NLGN1: variants seen among roughly 807,000 people sequenced by gnomAD.
NLGN1 encodes neuroligin 1.
In NLGN1, 12 loss-of-function variants were observed where a neutral mutation model predicts 65.5. The ratio of observed to expected loss-of-function variants is 0.18; its 90% CI spans 0.12 to 0.30. NLGN1 has a LOEUF of 0.30. Among genes scored for constraint, NLGN1 ranks in the 10% least tolerant of loss-of-function variants. The probability of loss-of-function intolerance (pLI) is 1.00; values close to 1 mark genes in which losing one functional copy is unlikely to be tolerated. For missense variants in NLGN1, 750 were observed against 1,007.1 expected (o/e 0.74, Z 3.46); for synonymous variants, 350 against 359.5 (o/e 0.97, Z 0.30).
At chr3:174,003,305 GAATTT>G (rs1723676918) in intron 4 of NLGN1, among the ~76,000 whole-genome samples, 1 of 152,024 alleles carries the variant, frequency 6.6e-6, no homozygotes, top group Non-Finnish European at 1.5e-5. Context: ...GGCATTATTT[GAATTT>G]AATTGATAGC....
chr3:173,629,606 A>G (rs569233402), intron 3 of NLGN1, among the ~76,000 whole-genome samples: 43 of 152,288 alleles, frequency 2.8e-4, no homozygotes, highest in African/African-American at 8.9e-4. Context: ...GTCATAAAAT[A>G]TCCAGTGAAA....
intron 1 of NLGN1, among the ~76,000 whole-genome samples, chr3:173,431,423 C>A (rs1179544476): frequency 1.3e-5 from 2 of 152,026 alleles, no homozygotes; most frequent in Admixed American, 1.3e-4. Flanking sequence ...ATATAATATA[C>A]AAAATCTTTC....
At chr3:173,823,159 C>T (rs1720658687) in intron 4 of NLGN1, among the ~76,000 whole-genome samples, 1 of 151,892 alleles carries the variant, frequency 6.6e-6, no homozygotes, top group African/African-American at 2.4e-5. Flanking sequence ...AAAAATTGGT[C>T]TATTAGTCTA....
intron 4 of NLGN1, among the ~76,000 whole-genome samples, chr3:173,813,092 G>A (rs1218487934): frequency 1.3e-5 from 2 of 151,898 alleles, no homozygotes; most frequent in Admixed American, 1.3e-4. Context: ...TGATGGATTA[G>A]TAAGGATATA....
chr3:174,253,739 C>A (rs1342163363), intron 4 of NLGN1, among the ~76,000 whole-genome samples: 1 of 152,096 alleles, frequency 6.6e-6, no homozygotes, highest in Non-Finnish European at 1.5e-5. Flanking sequence ...TCTAAATTGA[C>A]CTTCTACTTG....
At chr3:173,702,837 C>T (rs1487793066) in intron 3 of NLGN1, among the ~76,000 whole-genome samples, 1 of 152,156 alleles carries the variant, frequency 6.6e-6, no homozygotes, top group Non-Finnish European at 1.5e-5. Flanking sequence ...TGTTTTTACT[C>T]ATCTTTCTAT....
At chr3:174,076,677 CAT>C (rs1165355289) in intron 4 of NLGN1, among the ~76,000 whole-genome samples, 12 of 92,206 alleles carry the variant, frequency 1.3e-4, no homozygotes, top group Admixed American at 6.2e-4. Flanking sequence ...CCTCTGGGAC[CAT>C]AGAGAGAGAG....
chr3:173,556,920 T>C (rs1378927284), intron 2 of NLGN1, among the ~76,000 whole-genome samples: 1 of 152,204 alleles, frequency 6.6e-6, no homozygotes, highest in Non-Finnish European at 1.5e-5. Flanking sequence ...CAGATTATGG[T>C]ATATCTTGAT....
At chr3:173,804,516 A>G (rs938587313) in intron 3 of NLGN1, among the ~76,000 whole-genome samples, 2 of 152,096 alleles carry the variant, frequency 1.3e-5, no homozygotes, top group Non-Finnish European at 2.9e-5. Flanking sequence ...CCCCTTCAAC[A>G]TTATTATTAA....
rs778161180 is a variant in NLGN1 at position 174,077,744 on chromosome 3, C to T, written c.647-197571C>T. Among the ~76,000 whole-genome samples, 14 of 152,042 alleles carry T rather than the reference C, an allele frequency of 9.2e-5. No homozygotes were observed. The South Asian group carries it at 1.2e-3, about 14-fold the overall frequency. On this transcript the variant is annotated intron_variant, in intron 4 of 6. Transcript: ENST00000457714. ...CCAATTTTTGTATTTTTAGTAGAGACGGGGTTTCACCATGTTGGTCAGGCT... is the reference window on the plus strand; with the variant it reads ...CCAATTTTTGTATTTTTAGTAGAGATGGGGTTTCACCATGTTGGTCAGGCT...
At chr3:173,892,787 G>A (rs892563739) in intron 4 of NLGN1, among the ~76,000 whole-genome samples, 3 of 152,106 alleles carry the variant, frequency 2.0e-5, no homozygotes, top group Non-Finnish European at 4.4e-5. Context: ...GCAGGTAGAC[G>A]AGAAGAGGAA....
intron 3 of NLGN1, among the ~76,000 whole-genome samples, chr3:173,659,073 G>A (rs1760516112): frequency 6.6e-6 from 1 of 151,930 alleles, no homozygotes; most frequent in Non-Finnish European, 1.5e-5. Flanking sequence ...TCATTAGGCA[G>A]GTGAGTCCCC....
intron 4 of NLGN1, among the ~76,000 whole-genome samples, chr3:173,905,337 C>A (rs1738170845): frequency 6.6e-6 from 1 of 152,136 alleles, no homozygotes; most frequent in African/African-American, 2.4e-5. Flanking sequence ...GTGAGGAGAG[C>A]CAAAGGGTCC....
At chr3:173,997,428 C>T (rs990858125) in intron 4 of NLGN1, among the ~76,000 whole-genome samples, 2 of 152,114 alleles carry the variant, frequency 1.3e-5, no homozygotes, top group African/African-American at 4.8e-5. Flanking sequence ...CTGGATGGAA[C>T]ATCCAGAATC....
At chr3:173,675,183 A>G (rs1315437917) in intron 3 of NLGN1, among the ~76,000 whole-genome samples, 1 of 152,174 alleles carries the variant, frequency 6.6e-6, no homozygotes, top group East Asian at 1.9e-4. Context: ...ATCTTTGTTG[A>G]TTGAATATTT....
chr3:173,842,194 G>A (rs1392166375), intron 4 of NLGN1, among the ~76,000 whole-genome samples: 4 of 152,146 alleles, frequency 2.6e-5, no homozygotes. Context: ...CACAAGAACA[G>A]TGCAGAAAAG....
intron 3 of NLGN1, among the ~76,000 whole-genome samples, chr3:173,739,662 G>GA (rs955744441): frequency 8.6e-5 from 13 of 151,390 alleles, no homozygotes; most frequent in Non-Finnish European, 1.6e-4. Flanking sequence ...AAGGGCAGAG[G>GA]AAAAAAAATG....
intron 4 of NLGN1, among the ~76,000 whole-genome samples, chr3:174,130,949 A>T (rs1419286874): frequency 1.3e-5 from 2 of 152,186 alleles, no homozygotes; most frequent in African/African-American, 2.4e-5. Context: ...AATAAAAAAA[A>T]TTGTCACAGG....
intron 2 of NLGN1, among the ~76,000 whole-genome samples, chr3:173,540,426 A>G (rs139020413): frequency 2.0e-3 from 300 of 152,246 alleles, no homozygotes; most frequent in African/African-American, 7.1e-3. Context: ...CCAAAATCCA[A>G]AGAGGCCCAC....
Sources: gnomAD v4.1 joint callset for allele counts (sites outside exome capture counted in the v4.1 genomes callset) on GRCh38, gnomAD v4.1.1 for gene constraint, MANE v1.5 for transcripts, NCBI Gene and HGNC (gene_info 2026-07-23, HGNC 2026-07-21) for gene names.